Variants in MYLK observed in about 807,000 individuals in gnomAD.
The protein encoded by MYLK is myosin light chain kinase, smooth muscle.
In MYLK, 106 loss-of-function variants were observed where a neutral mutation model predicts 203.4. The ratio of observed to expected loss-of-function variants is 0.52; its 90% CI spans 0.45 to 0.61. The LOEUF (loss-of-function observed/expected upper bound fraction) is 0.61, where lower values mean the gene tolerates loss of function less well. MYLK is among the 20% of genes least tolerant of loss of function. The probability of loss-of-function intolerance (pLI) is 0.00; values close to 1 mark genes in which losing one functional copy is unlikely to be tolerated. For missense variants in MYLK, 2,072 were observed against 2,442.3 expected, an observed-to-expected ratio of 0.85 and a Z score of 3.20; for synonymous variants, 867 against 959.5, an observed-to-expected ratio of 0.90 and a Z score of 1.78.
At chr3:123,673,063 C>T (rs1431922799) in intron 20 of MYLK, among the ~76,000 whole-genome samples, 2 of 152,044 alleles carry the variant, frequency 1.3e-5, no homozygotes, top group East Asian at 1.9e-4. Flanking sequence ...GAGCCTCCTG[C>T]CACCCAGGGT....
chr3:123,701,618 C>T (rs928206704), intron 16 of MYLK, 109 bp from the exon 17 acceptor site: 32 of 1,093,722 alleles, frequency 2.9e-5, no homozygotes, highest in African/African-American at 1.2e-4. Context: ...TGGAAGTCGC[C>T]GGCTTGACTG....
chr3:123,647,885 T>C (rs745596735), intron 26 of MYLK, among the ~76,000 whole-genome samples: 1 of 152,166 alleles, frequency 6.6e-6, no homozygotes, highest in Non-Finnish European at 1.5e-5. Flanking sequence ...ACAAGCCTAC[T>C]GTCAACTTTG....
intron 3 of MYLK, among the ~76,000 whole-genome samples, chr3:123,795,865 A>C (rs2064967776): frequency 6.6e-6 from 1 of 152,224 alleles, no homozygotes; most frequent in Non-Finnish European, 1.5e-5. Flanking sequence ...GAGTCAGGTA[A>C]ACTGACACAA....
chr3:123,713,908 G>T (rs916601247), intron 13 of MYLK, among the ~76,000 whole-genome samples: 7 of 152,114 alleles, frequency 4.6e-5, no homozygotes. Flanking sequence ...GGTTTTAGAT[G>T]ATTAGAAAGT....
rs2108578975 is a variant in MYLK at position 123,700,305 on chromosome 3, G to A, written c.3163C>T (p.Pro1055Ser). Residue 1055 changes from proline (P) to serine (S), a missense_variant, in exon 18 of 34, where the codon CCT becomes TCT. Coordinates refer to ENST00000360304, the MANE Select transcript of MYLK (RefSeq NM_053025.4). The stretch of plus-strand genomic sequence containing the variant: ...CTAGCGGATTTCAGGTTCTCATCAG[G>A]CTTGGCATTGCCCATGGGCTTCAGG... ...ETLKPMGNAK[P>S]DENLKSASKE... 2 of 1,613,862 alleles carry A rather than the reference G, an allele frequency of 1.2e-6. No individual in the cohort carries two copies. Among genetic ancestry groups the A allele is most frequent in the East Asian group, 4.5e-5 (2 of 44,828 alleles).
intron 11 of MYLK, among the ~76,000 whole-genome samples, chr3:123,731,262 A>C (rs1182982176): frequency 6.6e-6 from 1 of 152,220 alleles, no homozygotes; most frequent in Non-Finnish European, 1.5e-5. Context: ...CCAGTTAAAC[A>C]ACAGTTAAAA....
intron 24 of MYLK, among the ~76,000 whole-genome samples, chr3:123,655,197 A>G (rs2059354585): frequency 6.6e-6 from 1 of 152,158 alleles, no homozygotes; most frequent in Non-Finnish European, 1.5e-5. Context: ...AAAGGACTAA[A>G]TCCAAAGACC....
intron 13 of MYLK, among the ~76,000 whole-genome samples, chr3:123,714,199 A>G (rs2061815143): frequency 6.6e-6 from 1 of 152,182 alleles, no homozygotes; most frequent in South Asian, 2.1e-4. Flanking sequence ...GAGGGAGCTG[A>G]GACTCAGAGA....
intron 4 of MYLK, among the ~76,000 whole-genome samples, chr3:123,784,893 C>A (rs2064451590): frequency 6.6e-6 from 1 of 152,218 alleles, no homozygotes; most frequent in Non-Finnish European, 1.5e-5. Context: ...AGGACTTGGT[C>A]ATAGTCACAG....
At chr3:123,614,653 G>A (rs1487525494) in intron 33 of MYLK, among the ~76,000 whole-genome samples, 1 of 152,080 alleles carries the variant, frequency 6.6e-6, no homozygotes, top group Admixed American at 6.5e-5. Context: ...TTAAAGTGAT[G>A]AGTCTCACTC....
chr3:123,735,382 CA>C lies in MYLK; in HGVS notation c.773+15del. 6.2e-7 allele frequency: 1 copy of C among 1,614,112 alleles called. No individual in the cohort carries two copies. The highest frequency in any genetic ancestry group is 1.3e-5 in the African/African-American group (1 of 75,046). Reference sequence around the variant, plus strand: ...TTCAAGAGGGAAAACGTAAAAGTCACAAAGCCTAGACATACCTATTGGCACT... The same window carrying C: ...TTCAAGAGGGAAAACGTAAAAGTCACAAGCCTAGACATACCTATTGGCACT... On this transcript the variant is annotated intron_variant, in intron 9 of 33. Coordinates refer to ENST00000360304, the MANE Select transcript of MYLK (RefSeq NM_053025.4).
intron 5 of MYLK, among the ~76,000 whole-genome samples, chr3:123,742,065 C>T (rs188104812): frequency 7.7e-4 from 117 of 152,304 alleles, no homozygotes; most frequent in Admixed American, 2.5e-3. Context: ...CCAGGTTATT[C>T]ATCTTCTCTC....
intron 19 of MYLK, among the ~76,000 whole-genome samples, chr3:123,686,911 T>C (rs2060477918): frequency 6.6e-6 from 1 of 152,178 alleles, no homozygotes; most frequent in Admixed American, 6.5e-5. Context: ...ACCCGTTAGT[T>C]GTCTGTGATG....
intron 2 of MYLK, among the ~76,000 whole-genome samples, chr3:123,858,654 T>C (rs1019985685): frequency 6.6e-6 from 1 of 152,174 alleles, no homozygotes. Context: ...AATCTGTGAA[T>C]GGATTAATCT....
At chr3:123,757,429 C>G (rs1282229433) in intron 4 of MYLK, among the ~76,000 whole-genome samples, 1 of 152,098 alleles carries the variant, frequency 6.6e-6, no homozygotes. Flanking sequence ...ACACTACAAA[C>G]CCACACAGCT....
At chr3:123,864,050 G>C (rs2032136588) in intron 2 of MYLK, among the ~76,000 whole-genome samples, 1 of 152,036 alleles carries the variant, frequency 6.6e-6, no homozygotes, top group Admixed American at 6.6e-5. Context: ...AAAACAACAT[G>C]GATAAATCTC....
intron 19 of MYLK, among the ~76,000 whole-genome samples, chr3:123,687,686 T>G (rs1560073786): frequency 1.4e-5 from 2 of 147,842 alleles, no homozygotes; most frequent in African/African-American, 5.2e-5. Flanking sequence ...TTTCTTCTTT[T>G]TTTTTGACAG....
chr3:123,666,907 A>T, intron 21 of MYLK: 1 of 610,708 alleles, frequency 1.6e-6, no homozygotes, highest in Non-Finnish European at 2.9e-6. Context: ...TCAACATGGG[A>T]GGCAGATGGA....
At chr3:123,645,497 C>T (rs1438606502) in intron 27 of MYLK, among the ~76,000 whole-genome samples, 1 of 152,148 alleles carries the variant, frequency 6.6e-6, no homozygotes. Context: ...TAACAGAGCC[C>T]TCACCAAAGG....
Sources: allele counts gnomAD v4.1 joint callset (sites outside exome capture counted in the v4.1 genomes callset), GRCh38; gene constraint gnomAD v4.1.1; transcripts MANE v1.5; gene names NCBI Gene and HGNC (gene_info 2026-07-23, HGNC 2026-07-21).